ASTN2: variants seen among roughly 807,000 people sequenced by gnomAD.
ASTN2 encodes astrotactin-2.
Under a neutral mutation model 139.8 loss-of-function variants are expected in ASTN2, and 54 were observed. The ratio of observed to expected loss-of-function variants is 0.39; its 90% CI spans 0.31 to 0.48. The LOEUF (loss-of-function observed/expected upper bound fraction) is 0.48, where lower values mean the gene tolerates loss of function less well. Among genes scored for constraint, ASTN2 ranks in the 20% least tolerant of loss-of-function variants. The pLI, the probability that ASTN2 is intolerant of heterozygous loss-of-function variation, is 0.95. For synonymous variants in ASTN2, 756 were observed against 719.5 expected (o/e 1.05, Z -0.81); for missense variants, 1,565 against 1,725.1 (o/e 0.91, Z 1.64).
chr9:117,186,926 T>C (rs1382580572), intron 3 of ASTN2, among the ~76,000 whole-genome samples: 1 of 152,148 alleles, frequency 6.6e-6, no homozygotes, highest in Non-Finnish European at 1.5e-5. Context: ...GTCAGGAGTT[T>C]GAGACTGGCC....
At chr9:116,632,156 G>GAGAGAGAGAGAA (rs1856784946) in intron 17 of ASTN2, among the ~76,000 whole-genome samples, 1 of 50,032 alleles carries the variant, frequency 2.0e-5, no homozygotes, top group Non-Finnish European at 3.6e-5. Flanking sequence ...GAGAGAGAGA[G>GAGAGAGAGAGAA]ACAGAGAGAG....
intron 19 of ASTN2, among the ~76,000 whole-genome samples, chr9:116,560,944 A>G (rs1238923517): frequency 6.6e-6 from 1 of 152,238 alleles, no homozygotes; most frequent in Non-Finnish European, 1.5e-5. Context: ...GAAAGTTTCC[A>G]CAAGAACAAA....
At chr9:116,918,581 T>C (rs1410252673) in intron 10 of ASTN2, among the ~76,000 whole-genome samples, 11 of 152,216 alleles carry the variant, frequency 7.2e-5, no homozygotes, top group Admixed American at 7.2e-4. Flanking sequence ...TTTTTTCATT[T>C]ACATTCTGCC....
At chr9:116,431,220 T>A (rs566722780) in intron 22 of ASTN2, among the ~76,000 whole-genome samples, 5 of 152,210 alleles carry the variant, frequency 3.3e-5, no homozygotes, top group Admixed American at 6.5e-5. Flanking sequence ...GAGACCCAAT[T>A]TCTAAGGGGA....
chr9:116,842,931 C>A (rs1272669946), intron 11 of ASTN2, among the ~76,000 whole-genome samples: 1 of 152,086 alleles, frequency 6.6e-6, no homozygotes, highest in Non-Finnish European at 1.5e-5. Flanking sequence ...TCTGCCTACA[C>A]CTGGATCTGG....
chr9:117,373,613 G>A (rs2130916541), intron 1 of ASTN2, among the ~76,000 whole-genome samples: 1 of 152,320 alleles, frequency 6.6e-6, no homozygotes, highest in South Asian at 2.1e-4. Context: ...TTCATAGAAG[G>A]AACCCAGGTG....
intron 10 of ASTN2, among the ~76,000 whole-genome samples, chr9:116,957,049 A>ATTTTTTTTT (rs527429954): frequency 7.1e-6 from 1 of 141,786 alleles, no homozygotes; most frequent in Non-Finnish European, 1.5e-5. Context: ...TTCCCAGTTA[A>ATTTTTTTTT]TTTTTTTTTT....
chr9:116,621,042 C>T (rs1380888626), intron 17 of ASTN2, among the ~76,000 whole-genome samples: 2 of 152,180 alleles, frequency 1.3e-5, no homozygotes, highest in Non-Finnish European at 2.9e-5. Flanking sequence ...CTCTCCTGAC[C>T]TTCTTTGCAC....
At chr9:116,718,392 A>G (rs1378024129) in intron 16 of ASTN2, among the ~76,000 whole-genome samples, 1 of 152,204 alleles carries the variant, frequency 6.6e-6, no homozygotes, top group Non-Finnish European at 1.5e-5. Flanking sequence ...AGGAATTTGC[A>G]AATTATCCTC....
At chr9:116,460,988 T>C (rs1848469219) in intron 20 of ASTN2, among the ~76,000 whole-genome samples, 1 of 152,102 alleles carries the variant, frequency 6.6e-6, no homozygotes, top group Admixed American at 6.6e-5. Flanking sequence ...CAGAAATAAT[T>C]GTATTCAATC....
intron 4 of ASTN2, among the ~76,000 whole-genome samples, chr9:117,104,008 C>A (rs1829045269): frequency 7.6e-6 from 1 of 131,804 alleles, no homozygotes. Flanking sequence ...ACAGAGGTTA[C>A]TATGCTATTC....
intron 1 of ASTN2, among the ~76,000 whole-genome samples, chr9:117,361,076 T>C (rs1248191379): frequency 6.6e-6 from 1 of 152,130 alleles, no homozygotes; most frequent in Non-Finnish European, 1.5e-5. Flanking sequence ...GGCTTGCCAC[T>C]CCTGTGACCT....
At chr9:116,702,227 CAT>C (rs1266943215) in intron 16 of ASTN2, among the ~76,000 whole-genome samples, 4 of 151,938 alleles carry the variant, frequency 2.6e-5, no homozygotes, top group African/African-American at 4.8e-5. Context: ...TATGAGATAA[CAT>C]GTGAAAATAA....
intron 13 of ASTN2, among the ~76,000 whole-genome samples, chr9:116,771,526 G>T (rs1829953336): frequency 6.6e-6 from 1 of 152,084 alleles, no homozygotes; most frequent in South Asian, 2.1e-4. Context: ...CCAATTTATG[G>T]TTCTACTCCC....
intron 2 of ASTN2, among the ~76,000 whole-genome samples, chr9:117,224,211 G>A (rs1048924875): frequency 6.6e-6 from 1 of 152,198 alleles, no homozygotes; most frequent in Non-Finnish European, 1.5e-5. Flanking sequence ...ATCTATGTCT[G>A]TTTGACTTAT....
intron 10 of ASTN2, among the ~76,000 whole-genome samples, chr9:116,908,441 A>C (rs1834223983): frequency 6.6e-6 from 1 of 152,160 alleles, no homozygotes; most frequent in Non-Finnish European, 1.5e-5. Flanking sequence ...CAGACAATTG[A>C]CTCAATAAAT....
At chr9:117,216,797 G>C (rs748307475) in intron 2 of ASTN2, among the ~76,000 whole-genome samples, 6 of 152,104 alleles carry the variant, frequency 3.9e-5, no homozygotes, top group African/African-American at 9.7e-5. Flanking sequence ...TAGAGAGGGA[G>C]AGTGAAGAGA....
intron 10 of ASTN2, among the ~76,000 whole-genome samples, chr9:116,933,694 C>T (rs1482376557): frequency 1.3e-5 from 2 of 151,744 alleles, no homozygotes; most frequent in African/African-American, 4.8e-5. Context: ...TACTAAAACA[C>T]TACCATTTAA....
intron 21 of ASTN2, 138 bp downstream of exon 21, chr9:116,442,315 C>T (rs1302622476): frequency 4.2e-6 from 3 of 721,692 alleles, no homozygotes; most frequent in Non-Finnish European, 7.6e-6. Flanking sequence ...CTCCTGTTCC[C>T]TTAGTGCCTT....
Sources: gnomAD v4.1 joint callset for allele counts (sites outside exome capture counted in the v4.1 genomes callset) on GRCh38, gnomAD v4.1.1 for gene constraint, MANE v1.5 for transcripts, NCBI Gene and HGNC (gene_info 2026-07-23, HGNC 2026-07-21) for gene names.